AGBL4: variants seen among roughly 807,000 people sequenced by gnomAD.
AGBL4 encodes cytosolic carboxypeptidase 6.
In AGBL4, 58 loss-of-function variants were observed where a neutral mutation model predicts 66.4. That is an observed-to-expected ratio of 0.87 (90% CI 0.71 to 1.09). The LOEUF is 1.09. AGBL4 is among the 50% of genes least tolerant of loss of function. The pLI, the probability that AGBL4 is intolerant of heterozygous loss-of-function variation, is 0.00. For missense variants in AGBL4, 579 were observed against 631.0 expected, an observed-to-expected ratio of 0.92 and a Z score of 0.88; for synonymous variants, 234 against 222.9, an observed-to-expected ratio of 1.05 and a Z score of -0.44.
intron 3 of AGBL4, among the ~76,000 whole-genome samples, chr1:49,340,401 T>A (rs1006622391): frequency 6.6e-6 from 1 of 152,130 alleles, no homozygotes; most frequent in Non-Finnish European, 1.5e-5. Flanking sequence ...GTTAATAAAT[T>A]GACACTGTTT....
chr1:48,990,175 ATCT>A (rs1660497946), intron 5 of AGBL4, among the ~76,000 whole-genome samples: 1 of 152,074 alleles, frequency 6.6e-6, no homozygotes, highest in South Asian at 2.1e-4. Flanking sequence ...CCATCTGTAC[ATCT>A]TCTTTTGAGA....
intron 3 of AGBL4, among the ~76,000 whole-genome samples, chr1:49,627,867 C>T (rs1445446956): frequency 6.6e-6 from 1 of 152,158 alleles, no homozygotes; most frequent in Non-Finnish European, 1.5e-5. Context: ...GAGGCAGTTA[C>T]TTATGACCTC....
chr1:48,810,812 G>A (rs1386774024), intron 6 of AGBL4, among the ~76,000 whole-genome samples: 1 of 152,148 alleles, frequency 6.6e-6, no homozygotes, highest in East Asian at 1.9e-4. Flanking sequence ...CTCATCTGAG[G>A]CAACCAGTTC....
intron 3 of AGBL4, among the ~76,000 whole-genome samples, chr1:49,329,603 T>A (rs1251603225): frequency 6.6e-6 from 1 of 151,942 alleles, no homozygotes; most frequent in African/African-American, 2.4e-5. Context: ...GAGGTGAAGT[T>A]TGCAGTGAGT....
At chr1:49,094,200 AG>A (rs1443943254) in intron 4 of AGBL4, among the ~76,000 whole-genome samples, 1 of 152,126 alleles carries the variant, frequency 6.6e-6, no homozygotes, top group Non-Finnish European at 1.5e-5. Flanking sequence ...ACATATGGGC[AG>A]TAGGTTGAAT....
At chr1:49,532,830 G>A (rs1051823730) in intron 3 of AGBL4, among the ~76,000 whole-genome samples, 1 of 151,022 alleles carries the variant, frequency 6.6e-6, no homozygotes, top group African/African-American at 2.4e-5. Flanking sequence ...TTTAAAATCT[G>A]TTTTTATTTT....
chr1:49,703,350 G>A (rs1034273012), intron 2 of AGBL4, among the ~76,000 whole-genome samples: 1 of 151,778 alleles, frequency 6.6e-6, no homozygotes, highest in South Asian at 2.1e-4. Context: ...ATAATACTTA[G>A]TATAAGTTAA....
At chr1:48,918,383 C>T (rs1891846) in intron 5 of AGBL4, among the ~76,000 whole-genome samples, 4,417 of 152,228 alleles carry the variant, frequency 0.029, 201 homozygotes, top group African/African-American at 0.1. Flanking sequence ...GCTTTGTGGA[C>T]CAAGTGTCAC....
chr1:49,652,101 A>T (rs1646018856), intron 3 of AGBL4, among the ~76,000 whole-genome samples: 1 of 152,142 alleles, frequency 6.6e-6, no homozygotes, highest in Non-Finnish European at 1.5e-5. Flanking sequence ...AGAATTTCAG[A>T]GCTTGAAGGC....
chr1:49,491,991 T>C (rs1647195018), intron 3 of AGBL4, among the ~76,000 whole-genome samples: 1 of 151,878 alleles, frequency 6.6e-6, no homozygotes, highest in Non-Finnish European at 1.5e-5. Flanking sequence ...TAAAATAGAA[T>C]AATTATAATA....
intron 3 of AGBL4, among the ~76,000 whole-genome samples, chr1:49,655,449 C>A (rs929977392): frequency 2.0e-5 from 3 of 152,078 alleles, no homozygotes; most frequent in Non-Finnish European, 4.4e-5. Flanking sequence ...ATCTTTGTGG[C>A]ATTCTCTGTA....
At chr1:49,639,832 A>C (rs1268602107) in intron 3 of AGBL4, among the ~76,000 whole-genome samples, 1 of 152,188 alleles carries the variant, frequency 6.6e-6, no homozygotes, top group Non-Finnish European at 1.5e-5. Flanking sequence ...TAACAATATA[A>C]TTTGAATTGG....
intron 1 of AGBL4, among the ~76,000 whole-genome samples, chr1:49,917,088 C>T (rs1307052335): frequency 6.6e-6 from 1 of 152,116 alleles, no homozygotes; most frequent in African/African-American, 2.4e-5. Flanking sequence ...GAAAGAAGCA[C>T]TAAACATGCA....
chr1:49,201,260 G>A (rs1351138583), intron 4 of AGBL4, among the ~76,000 whole-genome samples: 1 of 152,092 alleles, frequency 6.6e-6, no homozygotes, highest in East Asian at 1.9e-4. Flanking sequence ...TGCATCCCCT[G>A]TTAACTTTCT....
intron 2 of AGBL4, among the ~76,000 whole-genome samples, chr1:49,840,249 G>C (rs1645956941): frequency 6.6e-6 from 1 of 152,008 alleles, no homozygotes; most frequent in Admixed American, 6.6e-5. Flanking sequence ...CTTTCTAATT[G>C]GTTTACATAA....
At chr1:49,649,279 T>C (rs1402528582) in intron 3 of AGBL4, among the ~76,000 whole-genome samples, 1 of 152,134 alleles carries the variant, frequency 6.6e-6, no homozygotes, top group African/African-American at 2.4e-5. Flanking sequence ...TGGAAAAAGA[T>C]ATATAAAAAT....
chr1:49,039,525 A>G (rs1018169793), intron 5 of AGBL4, among the ~76,000 whole-genome samples: 2 of 152,120 alleles, frequency 1.3e-5, no homozygotes, highest in African/African-American at 2.4e-5. Flanking sequence ...GAGTATATTA[A>G]AAACAAACAA....
At chr1:48,791,334 G>C (rs1645545255) in intron 6 of AGBL4, among the ~76,000 whole-genome samples, 1 of 152,138 alleles carries the variant, frequency 6.6e-6, no homozygotes, top group African/African-American at 2.4e-5. Flanking sequence ...AGGGGGGTGG[G>C]AGAGGATGAA....
At chr1:48,804,146 C>T (rs1645870552) in intron 6 of AGBL4, among the ~76,000 whole-genome samples, 1 of 152,146 alleles carries the variant, frequency 6.6e-6, no homozygotes, top group South Asian at 2.1e-4. Flanking sequence ...TCTCTTGTAA[C>T]TTTATACTGC....
Sources: gnomAD v4.1 joint callset for allele counts (sites outside exome capture counted in the v4.1 genomes callset) on GRCh38, gnomAD v4.1.1 for gene constraint, MANE v1.5 for transcripts, NCBI Gene and HGNC (gene_info 2026-07-23, HGNC 2026-07-21) for gene names.